PRKCE: variants seen among roughly 807,000 people sequenced by gnomAD.
The protein encoded by PRKCE is protein kinase C epsilon.
In PRKCE, 16 loss-of-function variants were observed where a neutral mutation model predicts 85.4. The ratio of observed to expected loss-of-function variants is 0.19; its 90% CI spans 0.13 to 0.28. The LOEUF (loss-of-function observed/expected upper bound fraction) is 0.28, where lower values mean the gene tolerates loss of function less well. PRKCE is among the 10% of genes least tolerant of loss of function. The pLI is 1.00. For missense variants in PRKCE, 573 were observed against 975.2 expected, an observed-to-expected ratio of 0.59 and a Z score of 5.49; for synonymous variants, 388 against 371.5, an observed-to-expected ratio of 1.04 and a Z score of -0.51.
intron 1 of PRKCE, among the ~76,000 whole-genome samples, chr2:45,743,461 C>G (rs933175330): frequency 8.5e-5 from 13 of 152,088 alleles, no homozygotes; most frequent in African/African-American, 2.4e-4. Flanking sequence ...CCAGCTATTT[C>G]CCACCCCTCA....
intron 1 of PRKCE, among the ~76,000 whole-genome samples, chr2:45,656,890 T>A (rs190588247): frequency 6.6e-6 from 1 of 152,366 alleles, no homozygotes; most frequent in East Asian, 1.9e-4. Context: ...TGTATAACTT[T>A]ATAATTTTTA....
chr2:45,693,284 G>T (rs1677885687), intron 1 of PRKCE, among the ~76,000 whole-genome samples: 1 of 152,210 alleles, frequency 6.6e-6, no homozygotes, highest in African/African-American at 2.4e-5. Flanking sequence ...AAGTTTGCTT[G>T]TAAAGATGTT....
At chr2:46,074,736 G>T (rs1302212149) in intron 10 of PRKCE, among the ~76,000 whole-genome samples, 1 of 152,198 alleles carries the variant, frequency 6.6e-6, no homozygotes, top group Non-Finnish European at 1.5e-5. Flanking sequence ...TCAGTGGTTG[G>T]AGACCAGGGA....
At chr2:46,066,646 G>C (rs900793968) in intron 10 of PRKCE, among the ~76,000 whole-genome samples, 3 of 152,188 alleles carry the variant, frequency 2.0e-5, no homozygotes, top group East Asian at 1.9e-4. Context: ...TAGATGATCA[G>C]AGCAGGACAG....
intron 6 of PRKCE, among the ~76,000 whole-genome samples, chr2:45,985,517 T>A (rs1453424451): frequency 6.6e-6 from 1 of 152,172 alleles, no homozygotes; most frequent in East Asian, 1.9e-4. Context: ...GTGGAATGTA[T>A]TATTCATAAA....
chr2:46,057,776 A>T (rs1666733319), intron 10 of PRKCE, among the ~76,000 whole-genome samples: 1 of 152,060 alleles, frequency 6.6e-6, no homozygotes, highest in Admixed American at 6.6e-5. Flanking sequence ...TCAAGCATTC[A>T]GGCGTCAGTT....
At chr2:45,748,845 G>T (rs1683335010) in intron 1 of PRKCE, among the ~76,000 whole-genome samples, 1 of 151,916 alleles carries the variant, frequency 6.6e-6, no homozygotes, top group African/African-American at 2.4e-5. Context: ...CAAGTAAACA[G>T]TACAGTGCAG....
intron 2 of PRKCE, among the ~76,000 whole-genome samples, chr2:45,909,495 A>G (rs1417351158): frequency 2.0e-5 from 3 of 152,242 alleles, no homozygotes; most frequent in African/African-American, 7.2e-5. Flanking sequence ...ACTATTCCTG[A>G]AATGATATTG....
intron 14 of PRKCE, among the ~76,000 whole-genome samples, chr2:46,176,657 T>C (rs1311161001): frequency 6.6e-6 from 1 of 152,154 alleles, no homozygotes; most frequent in African/African-American, 2.4e-5. Flanking sequence ...GCAAAGCAAC[T>C]GAGCAAAATG....
At chr2:46,067,228 C>A (rs561586158) in intron 10 of PRKCE, among the ~76,000 whole-genome samples, 1 of 152,224 alleles carries the variant, frequency 6.6e-6, no homozygotes, top group African/African-American at 2.4e-5. Flanking sequence ...TACAAGATAT[C>A]ACCATATCCT....
At chr2:46,100,737 A>G (rs1330369635) in intron 11 of PRKCE, among the ~76,000 whole-genome samples, 1 of 152,274 alleles carries the variant, frequency 6.6e-6, no homozygotes. Flanking sequence ...TTCACTCAAC[A>G]GACAACGAGT....
intron 1 of PRKCE, among the ~76,000 whole-genome samples, chr2:45,703,597 G>A (rs569862911): frequency 6.6e-6 from 1 of 152,082 alleles, no homozygotes; most frequent in East Asian, 1.9e-4. Context: ...GACGGTAGAG[G>A]CACCTTTTTT....
chr2:45,672,552 G>A (rs192525503), intron 1 of PRKCE, among the ~76,000 whole-genome samples: 3 of 152,330 alleles, frequency 2.0e-5, no homozygotes, highest in African/African-American at 7.2e-5. Context: ...TTTAGTAAGG[G>A]AGTCTGATTT....
At chr2:45,979,721 A>G (rs1250491804) in intron 4 of PRKCE, among the ~76,000 whole-genome samples, 3 of 152,174 alleles carry the variant, frequency 2.0e-5, no homozygotes, top group East Asian at 1.9e-4. Flanking sequence ...ACACGCACAC[A>G]GTTACTTACC....
chr2:45,831,466 T>C (rs1690418166), intron 1 of PRKCE, among the ~76,000 whole-genome samples: 1 of 152,114 alleles, frequency 6.6e-6, no homozygotes, highest in African/African-American at 2.4e-5. Flanking sequence ...CTGGGTACAA[T>C]GTGGAGGGTC....
intron 2 of PRKCE, among the ~76,000 whole-genome samples, chr2:45,855,593 T>C (rs1185471245): frequency 6.6e-6 from 1 of 152,204 alleles, no homozygotes; most frequent in East Asian, 1.9e-4. Flanking sequence ...CAGGTCCATC[T>C]GGGAGAAAGG....
intron 14 of PRKCE, among the ~76,000 whole-genome samples, chr2:46,183,649 G>A (rs1680212626): frequency 1.3e-5 from 2 of 152,200 alleles, no homozygotes; most frequent in Non-Finnish European, 2.9e-5. Flanking sequence ...GCAGCTTAGT[G>A]AACCCGCTGC....
At chr2:45,735,951 C>G (rs1387033338) in intron 1 of PRKCE, among the ~76,000 whole-genome samples, 1 of 152,180 alleles carries the variant, frequency 6.6e-6, no homozygotes, top group African/African-American at 2.4e-5. Context: ...TTTTTACCAT[C>G]TGACATACAC....
At chr2:45,802,984 G>A (rs1323407672) in intron 1 of PRKCE, among the ~76,000 whole-genome samples, 1 of 152,218 alleles carries the variant, frequency 6.6e-6, no homozygotes, top group Non-Finnish European at 1.5e-5. Flanking sequence ...ATGTGAACAA[G>A]CAACTTAGAT....
Sources: allele counts gnomAD v4.1 joint callset (sites outside exome capture counted in the v4.1 genomes callset), GRCh38; gene constraint gnomAD v4.1.1; transcripts MANE v1.5; gene names NCBI Gene and HGNC (gene_info 2026-07-23, HGNC 2026-07-21).